ARHGEF38: variants seen among roughly 807,000 people sequenced by gnomAD.
ARHGEF38 encodes Rho guanine nucleotide exchange factor (GEF) 38.
A neutral mutation model predicts 79.9 loss-of-function variants in ARHGEF38; 79 were observed. The ratio of observed to expected loss-of-function variants is 0.99; its 90% CI spans 0.82 to 1.19. ARHGEF38 has a LOEUF of 1.19. Ranked by LOEUF, ARHGEF38 falls within the 50% of genes most tolerant of loss-of-function variation. ARHGEF38 has a pLI of 0.00. For missense variants in ARHGEF38, 962 were observed against 907.2 expected (o/e 1.06, Z -0.78); for synonymous variants, 366 against 328.3 (o/e 1.11, Z -1.24).
chr4:105,602,406 G>A (rs72669980), intron 2 of ARHGEF38, among the ~76,000 whole-genome samples: 6,548 of 152,192 alleles, frequency 0.043, 197 homozygotes, highest in Middle Eastern at 0.12. Context: ...AATTAAACAC[G>A]TTTTAGGAAG....
chr4:105,665,340 A>T (rs1397901934), intron 10 of ARHGEF38, among the ~76,000 whole-genome samples: 1 of 152,036 alleles, frequency 6.6e-6, no homozygotes, highest in Non-Finnish European at 1.5e-5. Flanking sequence ...TAAAAATACA[A>T]AAAATAATTA....
chr4:105,577,549 G>A (rs574693311), intron 1 of ARHGEF38, among the ~76,000 whole-genome samples: 2 of 151,586 alleles, frequency 1.3e-5, no homozygotes, highest in African/African-American at 2.4e-5. Flanking sequence ...CTGGTCCTGG[G>A]TTTTTGTTGT....
chr4:105,630,955 A>C lies in ARHGEF38; in HGVS notation c.566A>C (p.Tyr189Ser), dbSNP rs201736725. ...GAAGATATTTATAAAATCTACTGCT[A>C]TCACCATGATGAAGCACATAGTATA... is the stretch of plus-strand genomic sequence containing the variant. ...PLEDIYKIYC[Y>S]HHDEAHSILE... The change falls in exon 4 of 14, where the codon TAT becomes TCT. Residue 189 changes from tyrosine (Y) to serine (S), a missense_variant. By Grantham distance (144) the Tyr-to-Ser change is moderately radical. Transcript: ENST00000420470. The C allele has an allele frequency of 1.9e-6, 3 of 1,613,632 alleles. No individual in the cohort carries two copies. Among genetic ancestry groups the C allele is most frequent in the Non-Finnish European group, 2.5e-6 (3 of 1,179,808 alleles).
chr4:105,673,342 A>G (rs1450244423), intron 13 of ARHGEF38, among the ~76,000 whole-genome samples: 1 of 152,186 alleles, frequency 6.6e-6, no homozygotes, highest in Non-Finnish European at 1.5e-5. Flanking sequence ...AATAACGGCT[A>G]AAACCCAGTT....
At chr4:105,616,345 A>G (rs1728506849) in intron 3 of ARHGEF38, among the ~76,000 whole-genome samples, 1 of 152,132 alleles carries the variant, frequency 6.6e-6, no homozygotes, top group Non-Finnish European at 1.5e-5. Flanking sequence ...GGTTTAATTG[A>G]CTCACAGTTC....
intron 3 of ARHGEF38, among the ~76,000 whole-genome samples, chr4:105,620,909 G>A (rs1171948332): frequency 1.3e-5 from 2 of 152,138 alleles, no homozygotes; most frequent in African/African-American, 4.8e-5. Context: ...CAGTAATTGG[G>A]CCCAAGCCTT....
intron 9 of ARHGEF38, among the ~76,000 whole-genome samples, chr4:105,657,024 TAGATGATA>T (rs1730356862): frequency 6.6e-6 from 1 of 150,738 alleles, no homozygotes; most frequent in African/African-American, 2.5e-5. Flanking sequence ...ATGAGATAGA[TAGATGATA>T]GATAGATAGA....
At chr4:105,604,945 T>C (rs967741301) in intron 2 of ARHGEF38, among the ~76,000 whole-genome samples, 1 of 152,152 alleles carries the variant, frequency 6.6e-6, no homozygotes, top group African/African-American at 2.4e-5. Context: ...TCTCTATATT[T>C]CAACAATATA....
intron 13 of ARHGEF38, among the ~76,000 whole-genome samples, chr4:105,674,582 A>C (rs1731057090): frequency 6.6e-6 from 1 of 152,116 alleles, no homozygotes; most frequent in African/African-American, 2.4e-5. Flanking sequence ...AGAGACTGAA[A>C]ATAGACTGCT....
Position 105,655,475 on chromosome 4 carries a change from T to C in ARHGEF38, c.1114-128T>C, listed in dbSNP as rs1231184632. 4 of 952,096 alleles carry C rather than the reference T, an allele frequency of 4.2e-6. No homozygotes were observed. In the Admixed American group the frequency reaches 8.8e-5, roughly 21 times the overall value. The allele number at this position is 952,096 out of a possible 1,614,324, so 59.0% of individuals were successfully genotyped here. On this transcript the variant is annotated intron_variant, in intron 8 of 13. Transcript: ENST00000420470. Reference sequence around the variant, plus strand: ...TTGTACAGAGCATTTATAAAATGTTTGTTGTTCCTTTTTAAATAACCTCTC... The same window carrying C: ...TTGTACAGAGCATTTATAAAATGTTCGTTGTTCCTTTTTAAATAACCTCTC...
chr4:105,645,558 A>C (rs1729803931), intron 6 of ARHGEF38, among the ~76,000 whole-genome samples, 171 bp downstream of exon 6: 2 of 152,202 alleles, frequency 1.3e-5, no homozygotes, highest in African/African-American at 4.8e-5. Context: ...AGCTGGGTTA[A>C]GGAGAAGATT....
intron 3 of ARHGEF38, among the ~76,000 whole-genome samples, chr4:105,624,471 C>T (rs1728863112): frequency 6.6e-6 from 1 of 152,134 alleles, no homozygotes; most frequent in Non-Finnish European, 1.5e-5. Context: ...GCTGCATGTC[C>T]CACCTGCTGC....
chr4:105,609,355 A>G (rs1445758859), intron 2 of ARHGEF38, among the ~76,000 whole-genome samples: 2 of 151,994 alleles, frequency 1.3e-5, no homozygotes, highest in Non-Finnish European at 2.9e-5. Context: ...TGGTGTATGT[A>G]TCTGTTATTA....
intron 1 of ARHGEF38, among the ~76,000 whole-genome samples, chr4:105,571,423 C>T (rs964794605): frequency 6.6e-6 from 1 of 151,072 alleles, no homozygotes; most frequent in East Asian, 1.9e-4. Context: ...CCCAGGTTCT[C>T]GCCATTCTCC....
intron 2 of ARHGEF38, among the ~76,000 whole-genome samples, chr4:105,610,030 A>G (rs1302133450): frequency 4.6e-5 from 7 of 152,154 alleles, no homozygotes; most frequent in African/African-American, 1.7e-4. Flanking sequence ...TGCAGCCATA[A>G]AAAGGAATTG....
intron 2 of ARHGEF38, among the ~76,000 whole-genome samples, chr4:105,597,352 C>T (rs2110470255): frequency 6.6e-6 from 1 of 152,294 alleles, no homozygotes; most frequent in South Asian, 2.1e-4. Context: ...TCACAGAGGA[C>T]TCTTGTCAAA....
At chr4:105,671,639 A>T (rs1338901244) in intron 13 of ARHGEF38, among the ~76,000 whole-genome samples, 8 of 152,238 alleles carry the variant, frequency 5.3e-5, no homozygotes, top group Admixed American at 1.3e-4. Flanking sequence ...AAGTCAATAC[A>T]TTATAGAGGT....
At chr4:105,643,909 A>G (rs1578340894) in intron 5 of ARHGEF38, among the ~76,000 whole-genome samples, 1 of 114,128 alleles carries the variant, frequency 8.8e-6, no homozygotes. Flanking sequence ...ACAGGCTCTC[A>G]CTCTGTTGCC....
intron 10 of ARHGEF38, among the ~76,000 whole-genome samples, chr4:105,660,412 G>C (rs1730514304): frequency 6.6e-6 from 1 of 150,912 alleles, no homozygotes; most frequent in Non-Finnish European, 1.5e-5. Context: ...ATCTATAATA[G>C]TACATAAAGA....
Sources: allele counts gnomAD v4.1 joint callset (sites outside exome capture counted in the v4.1 genomes callset), GRCh38; gene constraint gnomAD v4.1.1; transcripts MANE v1.5; gene names NCBI Gene and HGNC (gene_info 2026-07-23, HGNC 2026-07-21).